Variants in POLR3E observed in about 807,000 individuals in gnomAD.
The protein encoded by POLR3E is RNA polymerase III subunit E, also known as DNA-directed RNA polymerase III subunit RPC5.
In POLR3E, 41 loss-of-function variants were observed where a neutral mutation model predicts 96.6. That is an observed-to-expected ratio of 0.42 (90% CI 0.33 to 0.55). The LOEUF is 0.55. Ranked by LOEUF, POLR3E falls within the 20% of genes least tolerant of loss-of-function variation. The pLI, the probability that POLR3E is intolerant of heterozygous loss-of-function variation, is 0.06. For missense variants in POLR3E, 849 were observed against 952.1 expected, an observed-to-expected ratio of 0.89 and a Z score of 1.43; for synonymous variants, 396 against 383.6, an observed-to-expected ratio of 1.03 and a Z score of -0.38.
chr16:22,301,895 C>T (rs1032999168), intron 1 of POLR3E, among the ~76,000 whole-genome samples: 6 of 151,284 alleles, frequency 4.0e-5, no homozygotes, highest in Non-Finnish European at 5.9e-5. Flanking sequence ...GCACTCCAGC[C>T]TGGGTGACAG....
At chr16:22,330,152 C>T (rs1328992868) in intron 19 of POLR3E, among the ~76,000 whole-genome samples, 1 of 152,112 alleles carries the variant, frequency 6.6e-6, no homozygotes, top group Admixed American at 6.5e-5. Context: ...CAGCTCACGC[C>T]TCTTGCGTTC....
intron 9 of POLR3E, among the ~76,000 whole-genome samples, chr16:22,315,827 T>A (rs2048343460): frequency 6.6e-6 from 1 of 151,902 alleles, no homozygotes; most frequent in Non-Finnish European, 1.5e-5. Flanking sequence ...ACCTGCTAAT[T>A]TTTTTGTTTT....
At chr16:22,308,821 G>A (rs571472898) in intron 4 of POLR3E, 104 bp from the exon 5 acceptor site, 14 of 706,930 alleles carry the variant, frequency 2.0e-5, no homozygotes, top group South Asian at 1.6e-4. Flanking sequence ...TCTCGCTTCC[G>A]GGCAGGGTCC....
At position 22,302,785 on chromosome 16, in the gene POLR3E, C is replaced by T. The variant is rs917163273; in HGVS notation, c.-38-146C>T. Reference sequence around the variant, plus strand: ...CTGATGGGGTATAGGGTTGGTCATCCATTGTTGACTTCAATGTAGATGTAG... The same window carrying T: ...CTGATGGGGTATAGGGTTGGTCATCTATTGTTGACTTCAATGTAGATGTAG... On this transcript the variant is annotated intron_variant, in intron 1 of 20. Transcript: ENST00000299853. The T allele has an allele frequency of 1.0e-5, 7 of 695,540 alleles. No homozygotes were observed. In the African/African-American group the frequency reaches 1.2e-4, roughly 12 times the overall value. 43.1% of individuals were successfully genotyped at this position (695,540 alleles called of 1,614,324 possible). A position where few individuals can be genotyped will look rare whatever the true frequency, so the allele number is the denominator to read the frequency against.
intron 16 of POLR3E, among the ~76,000 whole-genome samples, chr16:22,324,958 G>A (rs1031651687): frequency 1.8e-4 from 28 of 152,214 alleles, no homozygotes; most frequent in Middle Eastern, 3.4e-3. Flanking sequence ...GTGATGGAGA[G>A]AGGGAGCACT....
In POLR3E at chr16:22,317,032, G is replaced by A. The variant is rs750684693; in HGVS notation, c.766G>A (p.Glu256Lys). Residue 256 changes from glutamate (E) to lysine (K), a missense_variant, in exon 11 of 21, where the codon GAG becomes AAG. Transcript: ENST00000299853. ...GATGCTGATGCCACCCAGCCAGGAGGAGGAGAAGTGAGTAGAGGCGGCAGG... is the reference window on the plus strand; with the variant it reads ...GATGCTGATGCCACCCAGCCAGGAGAAGGAGAAGTGAGTAGAGGCGGCAGG... ...LMMLMPPSQE[E>K]EKDKPVAPSN... The A allele has an allele frequency of 1.1e-5, 18 of 1,614,048 alleles. No individual in the cohort carries two copies. Among genetic ancestry groups the A allele is most frequent in the Non-Finnish European group, 1.5e-5 (18 of 1,180,000 alleles).
Position 22,318,876 on chromosome 16 carries a change from G to T in POLR3E, c.916G>T (p.Asp306Tyr). 1 of 1,613,796 alleles carries T rather than the reference G, an allele frequency of 6.2e-7. No homozygotes were observed. The highest frequency in any genetic ancestry group is 8.5e-7 in the Non-Finnish European group (1 of 1,179,806). ...GATGAGCCTCCTGGGCCCCTCCATC[G>T]ATTCCGTGGCTGTTCTGCGGGGCAT... ...NLMSLLGPSI[D>Y]SVAVLRGIQK... is the part of the protein sequence containing the mutation. Residue 306 changes from aspartate (D) to tyrosine (Y), a missense_variant, in exon 13 of 21, where the codon GAT (aspartate) becomes TAT (tyrosine). Asp to Tyr is a radical substitution (Grantham distance 160). Coordinates refer to ENST00000299853, the MANE Select transcript of POLR3E (RefSeq NM_018119.4). The surrounding 1 kb of genome is among the most constrained non-coding windows in gnomAD (Gnocchi z 5.0).
Position 22,326,246 on chromosome 16 carries a change from C to G in POLR3E, c.1834C>G (p.Leu612Val), listed in dbSNP as rs1429052985. ...ISDRMLQDTV[L>V]AAGCKQILVP... Reference sequence around the variant, plus strand: ...GGACCGCATGCTACAGGACACGGTGCTGGCCGCCGGTTGCAAGCAGATACT... The same window carrying G: ...GGACCGCATGCTACAGGACACGGTGGTGGCCGCCGGTTGCAAGCAGATACT... The change falls in exon 18 of 21, where the codon CTG (leucine) becomes GTG (valine). Residue 612 changes from leucine (L) to valine (V), a missense_variant. Transcript: ENST00000299853. The G allele has an allele frequency of 4.3e-6, 7 of 1,609,604 alleles. No individual in the cohort carries two copies. The African/African-American group carries it at 6.7e-5, about 15-fold the overall frequency.
In POLR3E at chr16:22,330,253, C is replaced by T. The variant is rs564925021; in HGVS notation, c.1944+1666C>T. On this transcript the variant is annotated intron_variant, in intron 19 of 20. Transcript: ENST00000299853. The stretch of plus-strand genomic sequence containing the variant: ...TAATTTTTGTATTTTTAGTAGAGAT[C>T]GCGGTGGTAGGGGTCGGGGGGTGGT... Among the ~76,000 whole-genome samples the T allele has an allele frequency of 9.2e-5, 14 of 151,500 alleles. No homozygotes were observed. The South Asian group carries it at 2.3e-3, about 25-fold the overall frequency.
intron 6 of POLR3E, among the ~76,000 whole-genome samples, chr16:22,312,952 C>T (rs2048279143): frequency 1.4e-5 from 2 of 146,092 alleles, no homozygotes; most frequent in African/African-American, 5.1e-5. Context: ...CTAATCTGAA[C>T]ACTTAGGAAA....
At position 22,309,039 on chromosome 16, in the gene POLR3E, T is replaced by G. The variant is rs2048190574; in HGVS notation, c.280T>G (p.Ser94Ala). ...CGCCGACGAGACCAGCACGTATTCC[T>G]CGTGAGTTTCCGGCCCCAAGCCTGT... Reference protein sequence around the residue: ...ACADETSTYSSKLMDKQTFCS... With the variant: ...ACADETSTYSAKLMDKQTFCS... The change falls in exon 5 of 21, where the codon TCG (serine) becomes GCG (alanine). Residue 94 changes from serine to alanine, a missense_variant and splice_region_variant. Transcript: ENST00000299853. The G allele has an allele frequency of 6.2e-7, 1 of 1,606,916 alleles. No individual in the cohort carries two copies. The highest frequency in any genetic ancestry group is 1.3e-5 in the African/African-American group (1 of 74,816).
In POLR3E at chr16:22,313,613, C is replaced by T. The variant is rs1411681926; in HGVS notation, c.365-7C>T. The stretch of plus-strand genomic sequence containing the variant: ...GAGTTGAGTCCAAGCCCTTCTTCCT[C>T]CGCCAGGTGAGCTCCACCTGACACC... On this transcript the variant is annotated splice_polypyrimidine_tract_variant and splice_region_variant and intron_variant, in intron 6 of 20. Transcript: ENST00000299853. This position sits in a 1 kb window ranked among gnomAD's most constrained non-coding sequence, Gnocchi z 4.1. The T allele has an allele frequency of 1.9e-6, 3 of 1,599,768 alleles. No homozygotes were observed. The East Asian group carries it at 6.7e-5, about 36-fold the overall frequency.
intron 6 of POLR3E, among the ~76,000 whole-genome samples, chr16:22,310,849 G>C (rs1311680591): frequency 6.6e-6 from 1 of 152,088 alleles, no homozygotes; most frequent in Non-Finnish European, 1.5e-5. Context: ...TTGAGCCTGG[G>C]AGGCGGAGGT....
intron 1 of POLR3E, among the ~76,000 whole-genome samples, chr16:22,298,781 T>C (rs542166453): frequency 3.3e-5 from 5 of 152,332 alleles, no homozygotes; most frequent in African/African-American, 1.2e-4. Flanking sequence ...TCTCTATTGA[T>C]AGGGCTAATG....
intron 15 of POLR3E, 24 bp from the exon 16 acceptor site, chr16:22,324,479 C>T (rs2048536608): frequency 6.2e-7 from 1 of 1,610,952 alleles, no homozygotes; most frequent in Non-Finnish European, 8.5e-7. Context: ...GGCTGTGCCT[C>T]ACGCTGGGCC....
rs1284162723 is a variant in POLR3E, at chr16:22,308,990, T to G, written c.231T>G (p.Ile77Met). Residue 77 changes from isoleucine (I) to methionine (M), a missense_variant, in exon 5 of 21, where the codon ATT (isoleucine) becomes ATG (methionine). Ile to Met is a conservative substitution (Grantham distance 10). Transcript: ENST00000299853. ...PNYCRSKGEQ[I>M]ALNVDGACAD... Reference sequence around the variant, plus strand: ...ATTGCCGCAGCAAAGGGGAGCAGATTGCGCTGAACGTGGACGGGGCCTGCG... The same window carrying G: ...ATTGCCGCAGCAAAGGGGAGCAGATGGCGCTGAACGTGGACGGGGCCTGCG... 1 of 1,613,936 alleles carries G rather than the reference T, an allele frequency of 6.2e-7. No individual in the cohort carries two copies. The highest frequency in any genetic ancestry group is 1.7e-5 in the Admixed American group (1 of 60,004).
intron 6 of POLR3E, chr16:22,309,773 A>G (rs2048208561): frequency 1.8e-6 from 1 of 542,312 alleles, no homozygotes; most frequent in African/African-American, 1.9e-5. Flanking sequence ...ACAGATACAT[A>G]CAAGTAGCTA....
Position 22,302,933 on chromosome 16 carries a change from C to T in POLR3E, c.-36C>T, listed in dbSNP as rs372714723. On this transcript the variant is annotated splice_region_variant and 5_prime_UTR_variant, in exon 2 of 21. Coordinates refer to ENST00000299853, the MANE Select transcript of POLR3E (RefSeq NM_018119.4). ...CAGTCTCTCGCCCTCCTTTGCAGAT[C>T]GAGCTGAAGGACTGCGCGGCTGGCT... 367 of 1,604,538 alleles carry T rather than the reference C, an allele frequency of 2.3e-4. 3 individuals are homozygous for T. The South Asian group carries it at 3.7e-3, about 16-fold the overall frequency.
At chr16:22,308,486 C>T (rs1051060027) in intron 4 of POLR3E, 59 of 519,234 alleles carry the variant, frequency 1.1e-4, no homozygotes, top group Middle Eastern at 5.3e-4. Context: ...CGAGGGCGGG[C>T]GGGTGAACAT....
Sources: allele counts gnomAD v4.1 joint callset (sites outside exome capture counted in the v4.1 genomes callset), GRCh38; gene constraint gnomAD v4.1.1; non-coding constraint Gnocchi (gnomAD v3.1); transcripts MANE v1.5; gene names NCBI Gene and HGNC (gene_info 2026-07-23, HGNC 2026-07-21).